The following ODAD2 variants were observed in gnomAD, a reference collection of about 807,000 sequenced individuals.
ODAD2 encodes the protein outer dynein arm docking complex subunit 2.
In ODAD2, 89 loss-of-function variants were observed where a neutral mutation model predicts 106.8. The observed-to-expected ratio is 0.83, with a 90% confidence interval of 0.70 to 0.99. The LOEUF (loss-of-function observed/expected upper bound fraction) is 0.99. Among genes scored for constraint, ODAD2 ranks in the 50% least tolerant of loss-of-function variants. The pLI is 0.00. For missense variants in ODAD2, 1,168 were observed against 1,238.5 expected, an observed-to-expected ratio of 0.94 and a Z score of 0.85; for synonymous variants, 404 against 436.2, an observed-to-expected ratio of 0.93 and a Z score of 0.92.
intron 7 of ODAD2, 29 bp downstream of exon 7, chr10:27,981,437 G>C (rs1218363317): frequency 1.4e-6 from 2 of 1,461,758 alleles, no homozygotes; most frequent in Non-Finnish European, 1.8e-6. Flanking sequence ...ATAATGCTAT[G>C]AAAGCTCAAA....
chr10:27,999,129 G>A (rs1212058858), upstream of ODAD2: 1 of 152,430 alleles, frequency 6.6e-6, no homozygotes, highest in East Asian at 1.9e-4. Context: ...GCCCCTCCCG[G>A]GAAACACTTT....
At chr10:27,966,394 G>A (rs1413033387) in intron 9 of ODAD2, among the ~76,000 whole-genome samples, 2 of 152,188 alleles carry the variant, frequency 1.3e-5, no homozygotes, top group East Asian at 3.8e-4. Flanking sequence ...AGCTCCTGGA[G>A]TTCAGGGCAG....
intron 17 of ODAD2, among the ~76,000 whole-genome samples, chr10:27,892,046 A>T (rs2133713887): frequency 6.6e-6 from 1 of 151,990 alleles, no homozygotes; most frequent in East Asian, 2.0e-4. Flanking sequence ...TTTTCTCCAA[A>T]AATGTGTTTG....
At chr10:27,832,548 C>T (rs1837565941) in intron 19 of ODAD2, among the ~76,000 whole-genome samples, 4 of 152,154 alleles carry the variant, frequency 2.6e-5, no homozygotes. Context: ...CACACACACA[C>T]ACACATTTCT....
chr10:27,910,494 G>T (rs1049457532), intron 16 of ODAD2, among the ~76,000 whole-genome samples: 1 of 152,038 alleles, frequency 6.6e-6, no homozygotes, highest in Non-Finnish European at 1.5e-5. Flanking sequence ...GGTGGCTCAC[G>T]CCTGTAATCC....
chr10:27,993,959 AAT>A (rs33977457), intron 2 of ODAD2, among the ~76,000 whole-genome samples: 55 of 129,728 alleles, frequency 4.2e-4, no homozygotes, highest in African/African-American at 1.3e-3. Context: ...GAGGCTGGCA[AAT>A]ATATATATAT....
intron 19 of ODAD2, among the ~76,000 whole-genome samples, chr10:27,854,450 A>ATTTGTT (rs1239188405): frequency 2.0e-5 from 3 of 152,198 alleles, no homozygotes; most frequent in Admixed American, 2.0e-4. Context: ...ACCGGAAATA[A>ATTTGTT]ATATTCATTA....
At chr10:27,853,016 A>T (rs1839390776) in intron 19 of ODAD2, among the ~76,000 whole-genome samples, 1 of 151,870 alleles carries the variant, frequency 6.6e-6, no homozygotes, top group Non-Finnish European at 1.5e-5. Context: ...ATTAAATGTA[A>T]ATAGTGTAAC....
At chr10:27,859,276 C>T (rs1218483494) in intron 19 of ODAD2, among the ~76,000 whole-genome samples, 2 of 151,822 alleles carry the variant, frequency 1.3e-5, no homozygotes, top group Non-Finnish European at 1.5e-5. Flanking sequence ...ATGCTTTGGC[C>T]AGATTTTTGC....
intron 16 of ODAD2, among the ~76,000 whole-genome samples, chr10:27,922,656 A>G (rs1844878551): frequency 6.6e-6 from 1 of 152,182 alleles, no homozygotes; most frequent in Non-Finnish European, 1.5e-5. Flanking sequence ...CTGTAATCCC[A>G]GCACTTTGGA....
At chr10:27,847,549 A>G (rs1039376298) in intron 19 of ODAD2, among the ~76,000 whole-genome samples, 1 of 151,874 alleles carries the variant, frequency 6.6e-6, no homozygotes, top group South Asian at 2.1e-4. Flanking sequence ...GCTATTCAAC[A>G]TAGTGTTGGA....
intron 17 of ODAD2, among the ~76,000 whole-genome samples, chr10:27,897,061 TA>T (rs1352550520): frequency 2.0e-5 from 3 of 152,208 alleles, no homozygotes; most frequent in Non-Finnish European, 4.4e-5. Flanking sequence ...ATTGTCTTCT[TA>T]GGGGTAAATA....
chr10:27,964,765 A>G (rs1271703441), intron 9 of ODAD2, among the ~76,000 whole-genome samples: 2 of 152,328 alleles, frequency 1.3e-5, no homozygotes, highest in East Asian at 3.9e-4. Context: ...GGTCACCATC[A>G]GAAAATTTTT....
intron 17 of ODAD2, among the ~76,000 whole-genome samples, chr10:27,883,285 A>G (rs1841869808): frequency 6.6e-6 from 1 of 152,144 alleles, no homozygotes; most frequent in South Asian, 2.1e-4. Flanking sequence ...TTGTTGACCA[A>G]TAAGCTGAGT....
At chr10:27,938,492 T>C (rs1846152663) in intron 14 of ODAD2, among the ~76,000 whole-genome samples, 1 of 152,112 alleles carries the variant, frequency 6.6e-6, no homozygotes, top group Admixed American at 6.5e-5. Flanking sequence ...AGGAAATAAA[T>C]TTCGGCTGTT....
chr10:27,975,161 T>C (rs1216953031), intron 7 of ODAD2, among the ~76,000 whole-genome samples: 1 of 152,178 alleles, frequency 6.6e-6, no homozygotes, highest in Non-Finnish European at 1.5e-5. Context: ...GGATCCCTTG[T>C]TTTATATGCT....
intron 16 of ODAD2, among the ~76,000 whole-genome samples, chr10:27,910,573 A>G (rs1379857829): frequency 6.6e-6 from 1 of 151,916 alleles, no homozygotes; most frequent in East Asian, 1.9e-4. Flanking sequence ...CCAGGCAACA[A>G]AGGATCCTGT....
chr10:27,813,028 C>A (rs776983778), intron 19 of ODAD2, among the ~76,000 whole-genome samples: 2 of 152,308 alleles, frequency 1.3e-5, no homozygotes, highest in South Asian at 2.1e-4. Flanking sequence ...CATGTCACAA[C>A]CTCATTATAT....
rs747260565 is a variant in ODAD2 at position 27,935,124 on chromosome 10, C to T, written c.2381G>A (p.Arg794Gln). Residue 794 changes from arginine (R) to glutamine (Q), a missense_variant, in exon 16 of 20, where the codon CGG becomes CAG. Physicochemically the swap from Arg to Gln is conservative, Grantham distance 43. Coordinates refer to ENST00000305242, the MANE Select transcript of ODAD2 (RefSeq NM_018076.5). ...CQERENRVIVRKCGGIQPLVN... is the reference protein window; with the variant it reads ...CQERENRVIVQKCGGIQPLVN... ...AAGTGGTTGAATGCCACCACATTTC[C>T]GGACAATGACTCGGTTTTCACGTTC... 39 of 1,613,978 alleles carry T rather than the reference C, an allele frequency of 2.4e-5. No homozygotes were observed. The East Asian group carries it at 6.9e-4, about 29-fold the overall frequency.
Sources: allele counts gnomAD v4.1 joint callset (sites outside exome capture counted in the v4.1 genomes callset), GRCh38; gene constraint gnomAD v4.1.1; transcripts MANE v1.5; gene names NCBI Gene and HGNC (gene_info 2026-07-23, HGNC 2026-07-21).